The following ADAM22 variants were observed in gnomAD, a reference collection of about 807,000 sequenced individuals.
The protein encoded by ADAM22 is disintegrin and metalloproteinase domain-containing protein 22.
Under a neutral mutation model 144.6 loss-of-function variants are expected in ADAM22, and 65 were observed. The observed-to-expected ratio is 0.45, with a 90% CI of 0.37 to 0.55. The LOEUF is 0.55. Ranked by LOEUF, ADAM22 falls within the 20% of genes least tolerant of loss-of-function variation. ADAM22 has a pLI of 0.00. For missense variants in ADAM22, 974 were observed against 1,184.9 expected, an observed-to-expected ratio of 0.82 and a Z score of 2.61; for synonymous variants, 391 against 412.6, an observed-to-expected ratio of 0.95 and a Z score of 0.63.
chr7:88,020,478 GA>G (rs1238722829), intron 3 of ADAM22, among the ~76,000 whole-genome samples: 1 of 152,160 alleles, frequency 6.6e-6, no homozygotes, highest in Non-Finnish European at 1.5e-5. Context: ...TGGGTTTTGT[GA>G]TTTGTACTTC....
At chr7:88,042,678 T>G (rs146870538) in intron 3 of ADAM22, among the ~76,000 whole-genome samples, 1 of 151,972 alleles carries the variant, frequency 6.6e-6, no homozygotes, top group East Asian at 1.9e-4. Flanking sequence ...TGTGGCTCAG[T>G]TAGTAATTAT....
At chr7:87,961,158 A>G (rs1455036725) in intron 2 of ADAM22, among the ~76,000 whole-genome samples, 1 of 152,204 alleles carries the variant, frequency 6.6e-6, no homozygotes, top group East Asian at 1.9e-4. Context: ...GAGAAATGAC[A>G]TTAGGAAAAG....
In ADAM22 at chr7:88,184,592, T is replaced by G. The variant is rs375403343; in HGVS notation, c.2664-2023T>G. On this transcript the variant is annotated intron_variant, in intron 29 of 31. Coordinates refer to ENST00000413139, the MANE Select transcript of ADAM22 (RefSeq NM_001324418.2). ...CTGGAAAACACAAAGAGCTCCCCTATCCCATCTAACGCCATTTTTTTTTGC... is the reference window on the plus strand; with the variant it reads ...CTGGAAAACACAAAGAGCTCCCCTAGCCCATCTAACGCCATTTTTTTTTGC... Among the ~76,000 whole-genome samples, 11 of 152,134 alleles carry G rather than the reference T, an allele frequency of 7.2e-5. No homozygotes were observed. In the East Asian group the frequency reaches 2.1e-3, roughly 29 times the overall value.
chr7:87,996,220 G>A (rs751427320), intron 3 of ADAM22, among the ~76,000 whole-genome samples: 10 of 152,158 alleles, frequency 6.6e-5, no homozygotes, highest in Non-Finnish European at 1.2e-4. Flanking sequence ...CTGGTTGGCT[G>A]GTTAATGTAC....
At chr7:87,935,001 C>T in intron 1 of ADAM22, 25 bp from the exon 2 acceptor site, 9 of 1,614,106 alleles carry the variant, frequency 5.6e-6, no homozygotes, top group Non-Finnish European at 7.6e-6. Flanking sequence ...TCTCCACTCC[C>T]TCCTTTCCCG....
chr7:88,121,848 A>T (rs1247233690), intron 7 of ADAM22, among the ~76,000 whole-genome samples: 1 of 152,228 alleles, frequency 6.6e-6, no homozygotes, highest in Non-Finnish European at 1.5e-5. Context: ...CCTTCTCTCA[A>T]GGGAATGAGA....
At chr7:88,025,880 A>ATTTT (rs747720308) in intron 3 of ADAM22, among the ~76,000 whole-genome samples, 2,243 of 152,044 alleles carry the variant, frequency 0.015, 28 homozygotes, top group Non-Finnish European at 0.023. Context: ...AAATTTTAGG[A>ATTTT]TTGTTTTTAC....
intron 4 of ADAM22, among the ~76,000 whole-genome samples, chr7:88,097,805 T>C (rs1322232488): frequency 6.6e-6 from 1 of 152,178 alleles, no homozygotes; most frequent in East Asian, 1.9e-4. Flanking sequence ...TAATTCACAG[T>C]CTTTATGCTA....
intron 26 of ADAM22, among the ~76,000 whole-genome samples, chr7:88,174,347 C>G (rs902756007): frequency 6.6e-6 from 1 of 152,112 alleles, no homozygotes; most frequent in Non-Finnish European, 1.5e-5. Flanking sequence ...CAGAACTCCA[C>G]ATATGTGCAG....
rs990125521 is a variant in ADAM22, at chr7:87,934,308, C to G, written c.-158C>G. On this transcript the variant is annotated 5_prime_UTR_variant, in exon 1 of 32. Coordinates refer to ENST00000413139, the MANE Select transcript of ADAM22 (RefSeq NM_001324418.2). ...CGCGAAGCACAATGCAGCACTGAGC[C>G]GCGGTGGAGGTTGCAGCGCCACGGC... The G allele has an allele frequency of 4.9e-6, 3 of 613,354 alleles. No homozygotes were observed. The highest frequency in any genetic ancestry group is 5.4e-6 in the Non-Finnish European group (2 of 369,228). The allele number at this position is 613,354 out of a possible 1,614,324, so 38.0% of individuals were successfully genotyped here.
chr7:88,073,503 A>G (rs1348976947), intron 3 of ADAM22, among the ~76,000 whole-genome samples: 2 of 152,188 alleles, frequency 1.3e-5, no homozygotes, highest in Non-Finnish European at 2.9e-5. Flanking sequence ...CTTTGATGCA[A>G]TGGTAGCCTC....
chr7:88,051,005 A>G (rs1806180825), intron 3 of ADAM22, among the ~76,000 whole-genome samples: 1 of 152,224 alleles, frequency 6.6e-6, no homozygotes, highest in Admixed American at 6.5e-5. Context: ...CTGACATTTA[A>G]GTCTTTAATC....
intron 2 of ADAM22, among the ~76,000 whole-genome samples, chr7:87,966,738 T>TTG (rs1849203620): frequency 2.2e-5 from 3 of 137,234 alleles, no homozygotes; most frequent in African/African-American, 8.6e-5. Flanking sequence ...TTTTTTTTTT[T>TTG]TTTTTTTTTT....
chr7:88,047,452 G>C (rs373042901), intron 3 of ADAM22, among the ~76,000 whole-genome samples: 1 of 152,024 alleles, frequency 6.6e-6, no homozygotes, highest in Non-Finnish European at 1.5e-5. Flanking sequence ...TGTCAGTTCT[G>C]TTTATTGTGA....
chr7:87,945,166 A>G (rs1046262693), intron 2 of ADAM22, among the ~76,000 whole-genome samples: 2 of 152,182 alleles, frequency 1.3e-5, no homozygotes, highest in Admixed American at 6.5e-5. Context: ...GGAGTTTTTC[A>G]TACTCTAAAA....
At chr7:88,085,875 A>G (rs1232725880) in intron 4 of ADAM22, among the ~76,000 whole-genome samples, 2 of 152,146 alleles carry the variant, frequency 1.3e-5, no homozygotes, top group South Asian at 2.1e-4. Flanking sequence ...TTGGCTGTGT[A>G]GGTTTTAAAA....
At chr7:88,077,577 G>T (rs977830125) in intron 4 of ADAM22, among the ~76,000 whole-genome samples, 6 of 152,174 alleles carry the variant, frequency 3.9e-5, no homozygotes, top group African/African-American at 1.4e-4. Flanking sequence ...AAGGGGTCAG[G>T]GAATTCCCTT....
intron 30 of ADAM22, among the ~76,000 whole-genome samples, chr7:88,190,862 C>T (rs929011651): frequency 6.6e-5 from 10 of 152,118 alleles, no homozygotes; most frequent in African/African-American, 2.2e-4. Flanking sequence ...ACATACCACC[C>T]AGCCTCCAGG....
chr7:88,094,109 G>A (rs1820639124), intron 4 of ADAM22, among the ~76,000 whole-genome samples: 1 of 152,192 alleles, frequency 6.6e-6, no homozygotes, highest in South Asian at 2.1e-4. Flanking sequence ...ATAAACAACA[G>A]ATGATGCATT....
Sources: allele counts gnomAD v4.1 joint callset (sites outside exome capture counted in the v4.1 genomes callset), GRCh38; gene constraint gnomAD v4.1.1; transcripts MANE v1.5; gene names NCBI Gene and HGNC (gene_info 2026-07-23, HGNC 2026-07-21).